STK39: variants seen among roughly 807,000 people sequenced by gnomAD.
The protein encoded by STK39 is serine/threonine kinase 39.
STK39 carries 20 observed loss-of-function variants against 77.8 expected under a neutral mutation model. That is an observed-to-expected ratio of 0.26 (90% CI 0.18 to 0.37). The LOEUF is 0.37. STK39 is among the 10% of genes least tolerant of loss of function. The pLI is 1.00. For missense variants in STK39, 479 were observed against 656.5 expected (o/e 0.73, Z 2.95); for synonymous variants, 246 against 234.1 (o/e 1.05, Z -0.47).
intron 16 of STK39, among the ~76,000 whole-genome samples, chr2:168,009,272 T>C (rs752960693): frequency 2.0e-5 from 3 of 151,874 alleles, no homozygotes; most frequent in Admixed American, 6.6e-5. Flanking sequence ...GGGAAATAGA[T>C]GAGGAGGGAG....
intron 5 of STK39, among the ~76,000 whole-genome samples, chr2:168,142,981 A>C (rs1688035008): frequency 6.6e-6 from 1 of 152,244 alleles, no homozygotes; most frequent in Non-Finnish European, 1.5e-5. Flanking sequence ...AGTTAGAACA[A>C]GGTGGCAGAA....
At chr2:168,036,735 G>A (rs1040575652) in intron 14 of STK39, among the ~76,000 whole-genome samples, 4 of 152,174 alleles carry the variant, frequency 2.6e-5, no homozygotes, top group African/African-American at 9.7e-5. Flanking sequence ...GTAAGGAAAC[G>A]TAGCAACAGG....
In STK39 at chr2:168,016,770, C is replaced by A. The variant is rs568825648; in HGVS notation, c.1429+273G>T. ...TCATTTCCTTTAGGGCCTGCATTAC[C>A]ATAGCAATACTTATTTTCATGGTTG... On this transcript the variant is annotated intron_variant, in intron 15 of 17. Coordinates refer to ENST00000355999, the MANE Select transcript of STK39 (RefSeq NM_013233.3). Among the ~76,000 whole-genome samples, 12 of 151,922 alleles carry A rather than the reference C, an allele frequency of 7.9e-5. No individual in the cohort carries two copies. In the East Asian group the frequency reaches 1.7e-3, roughly 22 times the overall value.
At chr2:167,971,990 C>T (rs1692360032) in intron 16 of STK39, among the ~76,000 whole-genome samples, 1 of 152,236 alleles carries the variant, frequency 6.6e-6, no homozygotes, top group Non-Finnish European at 1.5e-5. Context: ...TTACCCCATG[C>T]AACGCCTTGG....
chr2:168,079,925 GT>G (rs1487238317), intron 10 of STK39, among the ~76,000 whole-genome samples: 3,022 of 152,242 alleles, frequency 0.02, 106 homozygotes, highest in African/African-American at 0.069. Context: ...CATGTAACAT[GT>G]GTCCATGGCC....
At chr2:168,152,253 G>A (rs1266982356) in intron 5 of STK39, among the ~76,000 whole-genome samples, 3 of 152,220 alleles carry the variant, frequency 2.0e-5, no homozygotes. Context: ...CCAATGTGGG[G>A]TGGGAGGACT....
chr2:168,186,265 T>C (rs148499186), intron 1 of STK39, among the ~76,000 whole-genome samples: 7 of 152,320 alleles, frequency 4.6e-5, no homozygotes, highest in African/African-American at 1.4e-4. Context: ...GGTCAGCACA[T>C]TGATCTGGAC....
intron 4 of STK39, among the ~76,000 whole-genome samples, chr2:168,162,676 G>T (rs934483223): frequency 3.9e-5 from 6 of 151,992 alleles, no homozygotes; most frequent in Non-Finnish European, 8.8e-5. Flanking sequence ...TTAGTACTTT[G>T]AAAAATGACA....
chr2:168,177,136 T>C lies in STK39; in HGVS notation c.321+4842A>G, dbSNP rs191151758. ...AGGATCAACATTCATCACTTTTTTA[T>C]AGCCATGGTTTTCTTGAAATGACTT... is the stretch of plus-strand genomic sequence containing the variant. On this transcript the variant is annotated intron_variant, in intron 2 of 17. Transcript: ENST00000355999. Among the ~76,000 whole-genome samples, 43 of 152,310 alleles carry C rather than the reference T, an allele frequency of 2.8e-4. No individual in the cohort carries two copies. In the South Asian group the frequency reaches 5.6e-3, roughly 20 times the overall value.
At chr2:168,003,826 T>G (rs908287606) in intron 16 of STK39, among the ~76,000 whole-genome samples, 1 of 152,242 alleles carries the variant, frequency 6.6e-6, no homozygotes, top group Non-Finnish European at 1.5e-5. Flanking sequence ...ATAGTACAGT[T>G]GTGTAATAAA....
intron 16 of STK39, among the ~76,000 whole-genome samples, chr2:167,995,350 C>T (rs1559049047): frequency 2.0e-5 from 3 of 152,238 alleles, no homozygotes; most frequent in East Asian, 3.9e-4. Context: ...CCTCGTGATG[C>T]ACCTGCCTCG....
intron 1 of STK39, among the ~76,000 whole-genome samples, chr2:168,209,678 T>C (rs1344869900): frequency 6.6e-6 from 1 of 150,572 alleles, no homozygotes; most frequent in Non-Finnish European, 1.5e-5. Flanking sequence ...CAAAACTCTG[T>C]CTCAGAAACA....
chr2:167,990,443 A>G (rs1399520577), intron 16 of STK39, among the ~76,000 whole-genome samples: 1 of 152,210 alleles, frequency 6.6e-6, no homozygotes, highest in Non-Finnish European at 1.5e-5. Context: ...ACTGTTCTGA[A>G]CAAGATATTG....
At chr2:168,049,999 C>T (rs1309208755) in intron 14 of STK39, among the ~76,000 whole-genome samples, 6 of 152,204 alleles carry the variant, frequency 3.9e-5, no homozygotes, top group Non-Finnish European at 8.8e-5. Flanking sequence ...TCCAAATTAC[C>T]TTGTACTTTT....
chr2:167,973,596 T>C (rs1037414570), intron 16 of STK39, among the ~76,000 whole-genome samples: 3 of 152,204 alleles, frequency 2.0e-5, no homozygotes, highest in Non-Finnish European at 4.4e-5. Flanking sequence ...AAAGTAAATG[T>C]TGCTGAGTTA....
At chr2:168,059,523 G>A (rs1192837319) in intron 14 of STK39, among the ~76,000 whole-genome samples, 1 of 152,064 alleles carries the variant, frequency 6.6e-6, no homozygotes, top group Non-Finnish European at 1.5e-5. Flanking sequence ...ACTGCTTGTG[G>A]CCTATAGGAG....
At chr2:168,210,050 G>A (rs1362865139) in intron 1 of STK39, among the ~76,000 whole-genome samples, 1 of 145,450 alleles carries the variant, frequency 6.9e-6, no homozygotes, top group African/African-American at 2.6e-5. Context: ...AGGAAGGAAG[G>A]AAGGAAGGAA....
intron 1 of STK39, among the ~76,000 whole-genome samples, chr2:168,223,405 G>A (rs571237592): frequency 2.4e-4 from 37 of 151,750 alleles, no homozygotes; most frequent in Admixed American, 1.4e-3. Context: ...CCAGCTAATC[G>A]GGAGGGCGAG....
intron 16 of STK39, among the ~76,000 whole-genome samples, chr2:167,993,676 T>A (rs1481274771): frequency 6.6e-6 from 1 of 152,172 alleles, no homozygotes; most frequent in East Asian, 1.9e-4. Flanking sequence ...TGAGCTAAAG[T>A]CCTTGTTTAA....
Sources: allele counts gnomAD v4.1 joint callset (sites outside exome capture counted in the v4.1 genomes callset), GRCh38; gene constraint gnomAD v4.1.1; transcripts MANE v1.5; gene names NCBI Gene and HGNC (gene_info 2026-07-23, HGNC 2026-07-21).